SPATA31D3: variants seen among roughly 807,000 people sequenced by gnomAD.
SPATA31D3 encodes SPATA31 subfamily D member 3, also known as spermatogenesis-associated protein 31D3.
For synonymous variants in SPATA31D3, 27 were observed against 107.8 expected, an observed-to-expected ratio of 0.25 and a Z score of 4.65; for missense variants, 91 against 297.9, an observed-to-expected ratio of 0.31 and a Z score of 5.11.
rs1367792242 is a variant in SPATA31D3 at position 81,949,797 on chromosome 9, C to G, written c.*1790C>G. Reference sequence around the variant, plus strand: ...TGATTAGACAGATCATAGACAAGGACAGATAGCCCCAGGAAGTTGGACATT... The same window carrying G: ...TGATTAGACAGATCATAGACAAGGAGAGATAGCCCCAGGAAGTTGGACATT... On this transcript the variant is annotated 3_prime_UTR_variant, in exon 4 of 4. Transcript: ENST00000445385. 4.0e-6 allele frequency: 5 copies of G among 1,264,438 alleles called. No homozygotes were observed. The highest frequency in any genetic ancestry group is 1.5e-5 in the African/African-American group (1 of 67,788). 78.3% of individuals were successfully genotyped at this position (1,264,438 alleles called of 1,614,324 possible).
Position 81,949,887 on chromosome 9 carries a change from C to T in SPATA31D3, c.*1880C>T, listed in dbSNP as rs533861449. ...GCCCCACAGGAAGCCTGTGCCACAG[C>T]CAAACCCCACTTGCAGTGTGAAGTC... On this transcript the variant is annotated 3_prime_UTR_variant, in exon 4 of 4. Transcript: ENST00000445385. 1.4e-6 allele frequency: 1 copy of T among 734,530 alleles called. No individual in the cohort carries two copies. Among genetic ancestry groups the T allele is most frequent in the African/African-American group, 1.8e-5 (1 of 57,142 alleles). The allele number at this position is 734,530 out of a possible 1,614,324, so 45.5% of individuals were successfully genotyped here.
chr9:81,950,017 A>G lies in SPATA31D3; in HGVS notation c.*2010A>G. The G allele has an allele frequency of 3.0e-6, 1 of 334,752 alleles. No homozygotes were observed. Among genetic ancestry groups the G allele is most frequent in the Middle Eastern group, 6.1e-4 (1 of 1,642 alleles). 20.7% of individuals were successfully genotyped at this position (334,752 alleles called of 1,614,324 possible). ...TACTTCCAAAGCATTTGCAGGGAGG[A>G]AAATTTCCCCCCAAAAAATAATTAA... On this transcript the variant is annotated 3_prime_UTR_variant, in exon 4 of 4. Transcript: ENST00000445385.
intron 3 of SPATA31D3, 38 bp downstream of exon 3, chr9:81,945,270 C>CTCCTTTTTTTTTTTTTTTTTTTTT (rs1823867821): frequency 5.2e-6 from 1 of 192,498 alleles, no homozygotes; most frequent in East Asian, 1.0e-4. Flanking sequence ...TTCCCACCGC[C>CTCCTTTTTTTTTTTTTTTTTTTTT]TTCTTTTTTT....
chr9:81,949,184 G>C lies in SPATA31D3; in HGVS notation c.*1177G>C, dbSNP rs142232161. The C allele has an allele frequency of 3.0e-3, 1,458 of 489,106 alleles. 19 individuals are homozygous for C. The highest frequency in any genetic ancestry group is 0.025 in the African/African-American group (1,305 of 51,784). The allele number at this position is 489,106 out of a possible 1,614,324, so 30.3% of individuals were successfully genotyped here. A position where few individuals can be genotyped will look rare whatever the true frequency, so the allele number is the denominator to read the frequency against. ...AAGAATTTTTCACCAGCTACAAAGA[G>C]AGTGAGCCCTCTAAGACCTAATGGA... On this transcript the variant is annotated 3_prime_UTR_variant, in exon 4 of 4. Transcript: ENST00000445385.
Position 81,948,146 on chromosome 9 carries a change from G to T in SPATA31D3, c.*139G>T. ...ATTTCTCAGGGAGATTCCAAAGATGGGGTCTCTAAGTCTTGTAGACGAAGC... is the reference window on the plus strand; with the variant it reads ...ATTTCTCAGGGAGATTCCAAAGATGTGGTCTCTAAGTCTTGTAGACGAAGC... On this transcript the variant is annotated 3_prime_UTR_variant, in exon 4 of 4. Coordinates refer to ENST00000445385, the MANE Select transcript of SPATA31D3 (RefSeq NM_207416.3). 3 of 1,416,294 alleles carry T rather than the reference G, an allele frequency of 2.1e-6. No homozygotes were observed. Among genetic ancestry groups the T allele is most frequent in the Admixed American group, 4.2e-5 (2 of 48,180 alleles). 87.7% of individuals were successfully genotyped at this position (1,416,294 alleles called of 1,614,324 possible).
rs7035006 is a variant in SPATA31D3, at chr9:81,948,160, T to G, written c.*153T>G. 361 of 1,373,428 alleles carry G rather than the reference T, an allele frequency of 2.6e-4. 20 individuals carry two copies. Among genetic ancestry groups the G allele is most frequent in the Non-Finnish European group, 1.9e-4 (190 of 1,023,762 alleles). 85.1% of individuals were successfully genotyped at this position (1,373,428 alleles called of 1,614,324 possible). A position where few individuals can be genotyped will look rare whatever the true frequency, so the allele number is the denominator to read the frequency against. On this transcript the variant is annotated 3_prime_UTR_variant, in exon 4 of 4. Transcript: ENST00000445385. ...TTCCAAAGATGGGGTCTCTAAGTCTTGTAGACGAAGCACTTTTCAAGGAGA... is the reference window on the plus strand; with the variant it reads ...TTCCAAAGATGGGGTCTCTAAGTCTGGTAGACGAAGCACTTTTCAAGGAGA...
rs376670407 is a variant in SPATA31D3 at position 81,950,029 on chromosome 9, C to T, written c.*2022C>T. 128 of 324,960 alleles carry T rather than the reference C, an allele frequency of 3.9e-4. 1 individual carries two copies. Among genetic ancestry groups the T allele is most frequent in the African/African-American group, 2.5e-3 (116 of 47,194 alleles). 20.1% of individuals were successfully genotyped at this position (324,960 alleles called of 1,614,324 possible). A position where few individuals can be genotyped will look rare whatever the true frequency, so the allele number is the denominator to read the frequency against. ...ATTTGCAGGGAGGAAAATTTCCCCC[C>T]AAAAAATAATTAACTCCTTGTTGAG... is the stretch of plus-strand genomic sequence containing the variant. On this transcript the variant is annotated 3_prime_UTR_variant, in exon 4 of 4. Transcript: ENST00000445385.
chr9:81,945,327 A>ATTCAT (rs1564152689), intron 3 of SPATA31D3, 95 bp downstream of exon 3: 5 of 382,376 alleles, frequency 1.3e-5, no homozygotes, highest in Non-Finnish European at 1.4e-5. Flanking sequence ...TGCATGTTCT[A>ATTCAT]TTCATTTCAG....
Position 81,947,879 on chromosome 9 carries a change from T to C in SPATA31D3, c.2626T>C (p.Leu876=), listed in dbSNP as rs1823922139. 1.9e-6 allele frequency: 3 copies of C among 1,611,918 alleles called. No homozygotes were observed. Among genetic ancestry groups the C allele is most frequent in the Non-Finnish European group, 2.5e-6 (3 of 1,179,390 alleles). ...SQIKHRNLAA[L]VSEDHRVDTS... is the part of the protein sequence containing the mutation. ...AATTAAACATCGAAATTTGGCAGCA[T>C]TGGTGAGTGAGGACCACCGCGTTGA... Residue 876 remains leucine, a synonymous_variant, in exon 4 of 4, where the codon TTG becomes CTG. Coordinates refer to ENST00000445385, the MANE Select transcript of SPATA31D3 (RefSeq NM_207416.3).
Position 81,945,172 on chromosome 9 carries a change from A to G in SPATA31D3, c.233A>G (p.Asp78Gly). The G allele has an allele frequency of 1.0e-6, 1 of 999,894 alleles. No individual in the cohort carries two copies. The highest frequency in any genetic ancestry group is 1.3e-6 in the Non-Finnish European group (1 of 759,734). 61.9% of individuals were successfully genotyped at this position (999,894 alleles called of 1,614,324 possible). A position where few individuals can be genotyped will look rare whatever the true frequency, so the allele number is the denominator to read the frequency against. Reference protein sequence around the residue: ...RRKRKSVTFKDRKSLQKEAEE... With the variant: ...RRKRKSVTFKGRKSLQKEAEE... ...TGTAACATGCTGTTCTGGTTTCCAG[A>G]CCGGAAAAGTTTGCAGAAGGAAGCA... Residue 78 changes from aspartate (D) to glycine (G), a missense_variant and splice_region_variant, in exon 3 of 4, where the codon GAC becomes GGC. By Grantham distance (94) the Asp-to-Gly change is moderately conservative (BLOSUM62 -1). Transcript: ENST00000445385.
chr9:81,945,591 A>C lies in SPATA31D3; in HGVS notation c.338A>C (p.Asp113Ala). Reference sequence around the variant, plus strand: ...TGCAGTCCCCTGGGCCAGCATCATGATACCACCCTCTTTCGTCGACTGTTA... The same window carrying C: ...TGCAGTCCCCTGGGCCAGCATCATGCTACCACCCTCTTTCGTCGACTGTTA... ...VSCSPLGQHH[D>A]TTLFRRLLCP... The change falls in exon 4 of 4, where the codon GAT becomes GCT. Residue 113 changes from aspartate (D) to alanine (A), a missense_variant. Coordinates refer to ENST00000445385, the MANE Select transcript of SPATA31D3 (RefSeq NM_207416.3). 1 of 149,758 alleles carries C rather than the reference A, an allele frequency of 6.7e-6. No homozygotes were observed. The highest frequency in any genetic ancestry group is 1.5e-4 in the Admixed American group (1 of 6,496). The allele number at this position is 149,758 out of a possible 1,614,324, so 9.3% of individuals were successfully genotyped here. A position where few individuals can be genotyped will look rare whatever the true frequency, so the allele number is the denominator to read the frequency against.
rs1329789776 is a variant in SPATA31D3 at position 81,948,036 on chromosome 9, C to G, written c.*29C>G. 6.3e-7 allele frequency: 1 copy of G among 1,598,210 alleles called. No homozygotes were observed. The highest frequency in any genetic ancestry group is 1.4e-5 in the African/African-American group (1 of 73,800). On this transcript the variant is annotated 3_prime_UTR_variant, in exon 4 of 4. Coordinates refer to ENST00000445385, the MANE Select transcript of SPATA31D3 (RefSeq NM_207416.3). ...TGCTGTGGGGCCTTCCCCGCAAGAT[C>G]CGTGAACCCACAGAAATCTTCAAAT...
In SPATA31D3 at chr9:81,950,079, T is replaced by G. The variant is rs1824012422; in HGVS notation, c.*2072T>G. 7.8e-6 allele frequency: 2 copies of G among 256,168 alleles called. No homozygotes were observed. Among genetic ancestry groups the G allele is most frequent in the East Asian group, 8.5e-5 (1 of 11,812 alleles). 15.9% of individuals were successfully genotyped at this position (256,168 alleles called of 1,614,324 possible). A position where few individuals can be genotyped will look rare whatever the true frequency, so the allele number is the denominator to read the frequency against. ...GAATCTTGACTCTCCCCAATAAACG[T>G]TCTAATAAGAATAAGAAGGATGTCT... On this transcript the variant is annotated 3_prime_UTR_variant, in exon 4 of 4. Transcript: ENST00000445385.
rs1231001797 is a variant in SPATA31D3 at position 81,949,440 on chromosome 9, T to G, written c.*1433T>G. On this transcript the variant is annotated 3_prime_UTR_variant, in exon 4 of 4. Coordinates refer to ENST00000445385, the MANE Select transcript of SPATA31D3 (RefSeq NM_207416.3). ...AACAAGAAAGTTCCTAGGAAAAGGGTAGCTCCTTGTCATCATCTGTGCAGA... is the reference window on the plus strand; with the variant it reads ...AACAAGAAAGTTCCTAGGAAAAGGGGAGCTCCTTGTCATCATCTGTGCAGA... 1 of 392,402 alleles carries G rather than the reference T, an allele frequency of 2.5e-6. No individual in the cohort carries two copies. The highest frequency in any genetic ancestry group is 2.0e-5 in the African/African-American group (1 of 48,960). The allele number at this position is 392,402 out of a possible 1,614,324, so 24.3% of individuals were successfully genotyped here.
chr9:81,949,337 C>G lies in SPATA31D3; in HGVS notation c.*1330C>G, dbSNP rs1245097039. 1.6e-5 allele frequency: 6 copies of G among 365,960 alleles called. No individual in the cohort carries two copies. The highest frequency in any genetic ancestry group is 5.3e-6 in the Non-Finnish European group (1 of 186,942). The allele number at this position is 365,960 out of a possible 1,614,324, so 22.7% of individuals were successfully genotyped here. On this transcript the variant is annotated 3_prime_UTR_variant, in exon 4 of 4. Transcript: ENST00000445385. The stretch of plus-strand genomic sequence containing the variant: ...TCTTCCCCAACCTTGAAAACACAGC[C>G]TCCTCCTGAAAACCTTTTCGGAACA...
In SPATA31D3 at chr9:81,947,922, C is replaced by T; in HGVS notation, c.2669C>T (p.Ser890Phe). The T allele has an allele frequency of 3.7e-6, 6 of 1,610,254 alleles. No individual in the cohort carries two copies. Among genetic ancestry groups the T allele is most frequent in the Non-Finnish European group, 5.1e-6 (6 of 1,178,600 alleles). The change falls in exon 4 of 4, where the codon TCC becomes TTC. Residue 890 changes from serine (S) to phenylalanine (F), a missense_variant. Coordinates refer to ENST00000445385, the MANE Select transcript of SPATA31D3 (RefSeq NM_207416.3). ...DHRVDTSQEMSFLSSNKQKML... is the reference protein window; with the variant it reads ...DHRVDTSQEMFFLSSNKQKML... The stretch of plus-strand genomic sequence containing the variant: ...CGCGTTGATACCTCCCAGGAGATGT[C>T]CTTCCTTAGTTCCAACAAACAAAAG...
In SPATA31D3 at chr9:81,947,823, C is replaced by T. The variant is rs1823919265; in HGVS notation, c.2570C>T (p.Thr857Ile). ...VHSSWHSVKQTICLPEKSHSQ... is the reference protein window; with the variant it reads ...VHSSWHSVKQIICLPEKSHSQ... ...AGTTCATGGCACTCAGTCAAGCAGA[C>T]AATATGTCTTCCTGAGAAATCCCAC... Residue 857 changes from threonine (T) to isoleucine (I), a missense_variant, in exon 4 of 4, where the codon ACA becomes ATA. Physicochemically the swap from Thr to Ile is moderately conservative, Grantham distance 89. Transcript: ENST00000445385. The T allele has an allele frequency of 6.3e-7, 1 of 1,599,764 alleles. No homozygotes were observed. The highest frequency in any genetic ancestry group is 1.7e-5 in the Admixed American group (1 of 58,022).
In SPATA31D3 at chr9:81,949,852, C is replaced by A; in HGVS notation, c.*1845C>A. Reference sequence around the variant, plus strand: ...GGGAAGATATTGTGTCAAAGGCATCCCCAATCCATGCCCCACAGGAAGCCT... The same window carrying A: ...GGGAAGATATTGTGTCAAAGGCATCACCAATCCATGCCCCACAGGAAGCCT... On this transcript the variant is annotated 3_prime_UTR_variant, in exon 4 of 4. Transcript: ENST00000445385. 1.1e-6 allele frequency: 1 copy of A among 923,934 alleles called. No individual in the cohort carries two copies. The highest frequency in any genetic ancestry group is 1.7e-6 in the Non-Finnish European group (1 of 583,288). 57.2% of individuals were successfully genotyped at this position (923,934 alleles called of 1,614,324 possible).
rs996839973 is a variant in SPATA31D3 at position 81,949,944 on chromosome 9, C to T, written c.*1937C>T. 7.4e-6 allele frequency: 4 copies of T among 538,118 alleles called. No individual in the cohort carries two copies. The Admixed American group carries it at 1.3e-4, about 17-fold the overall frequency. 33.3% of individuals were successfully genotyped at this position (538,118 alleles called of 1,614,324 possible). A position where few individuals can be genotyped will look rare whatever the true frequency, so the allele number is the denominator to read the frequency against. ...GTGCCTCCGGTCATCCTGACCAGTG[C>T]TAAAAACACTGTGTTCAGTGATGTG... is the stretch of plus-strand genomic sequence containing the variant. On this transcript the variant is annotated 3_prime_UTR_variant, in exon 4 of 4. Coordinates refer to ENST00000445385, the MANE Select transcript of SPATA31D3 (RefSeq NM_207416.3).
Sources: gnomAD v4.1 joint callset for allele counts on GRCh38, gnomAD v4.1.1 for gene constraint, MANE v1.5 for transcripts, NCBI Gene and HGNC (gene_info 2026-07-23, HGNC 2026-07-21) for gene names.